NAXD: variants seen among roughly 807,000 people sequenced by gnomAD.
The protein encoded by NAXD is NAD(P)HX dehydratase, also known as ATP-dependent (S)-NAD(P)H-hydrate dehydratase.
A neutral mutation model predicts 35.8 loss-of-function variants in NAXD; 22 were observed. That is an observed-to-expected ratio of 0.62 (90% CI 0.44 to 0.88). NAXD has a LOEUF of 0.88. NAXD is among the 40% of genes least tolerant of loss of function. NAXD has a pLI of 0.00. For synonymous variants in NAXD, 189 were observed against 177.6 expected (o/e 1.06, Z -0.51); for missense variants, 428 against 437.7 (o/e 0.98, Z 0.20).
Position 110,634,693 on chromosome 13 carries a change from C to T in NAXD, c.514C>T (p.Gln172Ter), listed in dbSNP as rs2139650703. Residue 172 changes from glutamine (Q) to a stop codon, truncating the protein, a stop_gained, in exon 7 of 10, where the codon CAG (glutamine) becomes TAG (stop). Coordinates refer to ENST00000680254, the MANE Select transcript of NAXD (RefSeq NM_001242882.2). LOFTEE classifies it high-confidence loss of function. ...IDADGLWLVA[Q>*]QPALIHGYRK... Reference sequence around the variant, plus strand: ...GCAGGATGGCCTGTGGCTGGTCGCTCAGCAGCCGGCCCTCATCCATGGCTA... The same window carrying T: ...GCAGGATGGCCTGTGGCTGGTCGCTTAGCAGCCGGCCCTCATCCATGGCTA... The T allele has an allele frequency of 6.2e-6, 10 of 1,614,140 alleles. No homozygotes were observed. Among genetic ancestry groups the T allele is most frequent in the Non-Finnish European group, 7.6e-6 (9 of 1,180,014 alleles).
In NAXD at chr13:110,634,740, C is replaced by G; in HGVS notation, c.561C>G (p.Pro187=). Residue 187 remains proline (P), a synonymous_variant, in exon 7 of 10, where the codon CCC becomes CCG. Coordinates refer to ENST00000680254, the MANE Select transcript of NAXD (RefSeq NM_001242882.2). The part of the protein sequence containing the change: ...IHGYRKAVLT[P]NHVEFSRLYD... The stretch of plus-strand genomic sequence containing the variant: ...GCTACCGGAAGGCTGTGCTCACTCC[C>G]AACCACGTGGAGTTCAGCAGACTGT... The G allele has an allele frequency of 1.2e-6, 2 of 1,614,064 alleles. No individual in the cohort carries two copies. The highest frequency in any genetic ancestry group is 1.7e-5 in the Admixed American group (1 of 60,026).
intron 1 of NAXD, among the ~76,000 whole-genome samples, chr13:110,617,310 T>C (rs982189880): frequency 1.3e-5 from 2 of 152,192 alleles, no homozygotes; most frequent in Non-Finnish European, 2.9e-5. Flanking sequence ...CACGCTTCCT[T>C]AAAACAAAAG....
At chr13:110,632,422 A>G (rs919069008) in intron 5 of NAXD, among the ~76,000 whole-genome samples, 4 of 152,170 alleles carry the variant, frequency 2.6e-5, no homozygotes, top group South Asian at 4.1e-4. Context: ...CGGGTTACCA[A>G]TGCTGGCTCG....
In NAXD at chr13:110,615,794, C is replaced by T. The variant is rs753224928; in HGVS notation, c.46+147C>T. The T allele has an allele frequency of 2.1e-4, 279 of 1,316,646 alleles. No individual in the cohort carries two copies. Among genetic ancestry groups the T allele is most frequent in the Non-Finnish European group, 2.5e-4 (260 of 1,035,226 alleles). 81.6% of individuals were successfully genotyped at this position (1,316,646 alleles called of 1,614,324 possible). On this transcript the variant is annotated intron_variant, in intron 1 of 9. Coordinates refer to ENST00000680254, the MANE Select transcript of NAXD (RefSeq NM_001242882.2). Reference sequence around the variant, plus strand: ...ACGCAGGTACCCGACCGCTGACCGCCTCTGCTGGCTCGCGGGGGGGAAGCG... The same window carrying T: ...ACGCAGGTACCCGACCGCTGACCGCTTCTGCTGGCTCGCGGGGGGGAAGCG...
chr13:110,619,542 C>T lies in NAXD; in HGVS notation c.47-2674C>T, dbSNP rs2986082. Among the ~76,000 whole-genome samples, 1,352 of 152,208 alleles carry T rather than the reference C, an allele frequency of 8.9e-3. 23 individuals are homozygous for T. The highest frequency in any genetic ancestry group is 0.031 in the African/African-American group (1,290 of 41,512). On this transcript the variant is annotated intron_variant, in intron 1 of 9. Transcript: ENST00000680254. ...AGTCACAATTTATATTTTATATGAC[C>T]TTAAATATTTAATTTGAAGTACTGG...
At chr13:110,636,752 C>T (rs1187297420) in intron 8 of NAXD, among the ~76,000 whole-genome samples, 1 of 152,246 alleles carries the variant, frequency 6.6e-6, no homozygotes, top group Non-Finnish European at 1.5e-5. Flanking sequence ...GGAGTGTGGG[C>T]TGCAGGTGAG....
intron 8 of NAXD, among the ~76,000 whole-genome samples, chr13:110,636,491 C>T (rs946537311): frequency 2.1e-4 from 32 of 152,242 alleles, no homozygotes; most frequent in Non-Finnish European, 2.9e-4. Flanking sequence ...CTCATCCACA[C>T]ACAGCTGTGC....
At position 110,624,269 on chromosome 13, in the gene NAXD, C is replaced by G; in HGVS notation, c.233C>G (p.Ala78Gly). 1 of 1,604,992 alleles carries G rather than the reference C, an allele frequency of 6.2e-7. No individual in the cohort carries two copies. Among genetic ancestry groups the G allele is most frequent in the Admixed American group, 1.7e-5 (1 of 59,918 alleles). Residue 78 changes from alanine to glycine, a missense_variant, in exon 3 of 10, where the codon GCT becomes GGT. By Grantham distance (60) the Ala-to-Gly change is moderately conservative. Coordinates refer to ENST00000680254, the MANE Select transcript of NAXD (RefSeq NM_001242882.2). ...TGAPYFAAIS[A>G]LKVGADLSHV... ...GCCCCATATTTTGCAGCAATCTCAG[C>G]TCTCAAAGTGGTATGTTTACTTAAA...
intron 1 of NAXD, among the ~76,000 whole-genome samples, chr13:110,617,387 T>C (rs1049279298): frequency 2.6e-5 from 4 of 152,346 alleles, no homozygotes; most frequent in Admixed American, 1.3e-4. Flanking sequence ...GGGATACATC[T>C]TAAGTCGCCT....
At position 110,621,062 on chromosome 13, in the gene NAXD, G is replaced by A. The variant is rs565047927; in HGVS notation, c.47-1154G>A. Among the ~76,000 whole-genome samples, 26 of 152,310 alleles carry A rather than the reference G, an allele frequency of 1.7e-4. No individual in the cohort carries two copies. The South Asian group carries it at 5.4e-3, about 32-fold the overall frequency. On this transcript the variant is annotated intron_variant, in intron 1 of 9. Coordinates refer to ENST00000680254, the MANE Select transcript of NAXD (RefSeq NM_001242882.2). The stretch of plus-strand genomic sequence containing the variant: ...TAGCTGTTTAGAGACAACTCAAGAT[G>A]ATGAAAATACATTAAATGCCACTTT...
chr13:110,622,161 T>A, intron 1 of NAXD, 55 bp from the exon 2 acceptor site: 1 of 1,472,414 alleles, frequency 6.8e-7, no homozygotes, highest in East Asian at 2.3e-5. Context: ...GGCTATTATG[T>A]GTACTAACAA....
At chr13:110,616,950 A>G (rs1307001029) in intron 1 of NAXD, among the ~76,000 whole-genome samples, 1 of 152,056 alleles carries the variant, frequency 6.6e-6, no homozygotes, top group Non-Finnish European at 1.5e-5. Flanking sequence ...CTGAGAGGGT[A>G]CTCTACACTG....
intron 5 of NAXD, among the ~76,000 whole-genome samples, chr13:110,629,085 C>T (rs1219487707): frequency 3.9e-5 from 6 of 152,192 alleles, no homozygotes; most frequent in African/African-American, 1.2e-4. Context: ...GCCGCCTCCT[C>T]GTCAGCTTCC....
At chr13:110,624,178 C>G in intron 2 of NAXD, 56 bp from the exon 3 acceptor site, 1 of 944,864 alleles carries the variant, frequency 1.1e-6, no homozygotes, top group South Asian at 1.4e-5. Flanking sequence ...ATTTATTGAT[C>G]AAGGTATGCT....
At chr13:110,625,089 C>A in intron 3 of NAXD, 101 bp from the exon 4 acceptor site, 1 of 843,636 alleles carries the variant, frequency 1.2e-6, no homozygotes, top group Non-Finnish European at 2.0e-6. Flanking sequence ...TTCTCATGCA[C>A]GTCACCAGGG....
At chr13:110,626,534 C>G (rs1292147697) in intron 4 of NAXD, among the ~76,000 whole-genome samples, 1 of 107,106 alleles carries the variant, frequency 9.3e-6, no homozygotes, top group African/African-American at 3.6e-5. Context: ...AGCTGGAAGA[C>G]GAGGGAGTAA....
At chr13:110,616,084 G>A in intron 1 of NAXD, 1 of 343,406 alleles carries the variant, frequency 2.9e-6, no homozygotes, top group Non-Finnish European at 5.2e-6. Context: ...GGGCGCCGTG[G>A]TGCGCTGGTC....
chr13:110,634,634 A>AG lies in NAXD; in HGVS notation c.493-36dup, dbSNP rs754353180. The stretch of plus-strand genomic sequence containing the variant: ...TCTCCTCCTGGCTCGGACTCCCGGA[A>AG]GGCCTGTGCAGTGAGCACGGCTCCT... On this transcript the variant is annotated intron_variant, in intron 6 of 9. Transcript: ENST00000680254. 1,616 of 1,614,014 alleles carry AG rather than the reference A, an allele frequency of 1.0e-3. 1 individual carries two copies. The highest frequency in any genetic ancestry group is 1.5e-3 in the South Asian group (135 of 91,080).
At chr13:110,633,904 C>T (rs911821046) in intron 5 of NAXD, among the ~76,000 whole-genome samples, 1 of 152,170 alleles carries the variant, frequency 6.6e-6, no homozygotes. Context: ...TTGGGGAATT[C>T]TCAGGAATTC....
Sources: allele counts gnomAD v4.1 joint callset (sites outside exome capture counted in the v4.1 genomes callset), GRCh38; gene constraint gnomAD v4.1.1; transcripts MANE v1.5; gene names NCBI Gene and HGNC (gene_info 2026-07-23, HGNC 2026-07-21).